Variants in BIRC6 observed in about 807,000 individuals in gnomAD.
The protein encoded by BIRC6 is dual E2 ubiquitin-conjugating enzyme/E3 ubiquitin-protein ligase BIRC6.
In BIRC6, 98 loss-of-function variants were observed where a neutral mutation model predicts 503.3. That is an observed-to-expected ratio of 0.19 (90% CI 0.17 to 0.23). The LOEUF is 0.23. BIRC6 is among the 10% of genes least tolerant of loss of function. The pLI is 1.00. For missense variants in BIRC6, 5,360 were observed against 5,806.0 expected (o/e 0.92, Z 2.50); for synonymous variants, 2,240 against 2,078.7 (o/e 1.08, Z -2.11).
chr2:32,433,448 C>A (rs1192210459), intron 12 of BIRC6, among the ~76,000 whole-genome samples, 196 bp from the exon 13 acceptor site: 3 of 151,990 alleles, frequency 2.0e-5, no homozygotes, highest in African/African-American at 7.3e-5. Context: ...GTGTAGATTT[C>A]TAAAGTAAGA....
chr2:32,595,198 A>G (rs1377555460), intron 68 of BIRC6, 54 bp downstream of exon 68: 2 of 1,115,426 alleles, frequency 1.8e-6, no homozygotes, highest in Non-Finnish European at 2.6e-6. Context: ...TTTTTTTAAC[A>G]GTGCTATTGA....
At position 32,525,106 on chromosome 2, in the gene BIRC6, A is replaced by G. The variant is rs57496465; in HGVS notation, c.11755+87A>G. ...TAGTTACAGGAAATTTATGTAATAC[A>G]TTGTACTAATATAAAAAGCTGACTC... On this transcript the variant is annotated intron_variant, in intron 58 of 73. Transcript: ENST00000421745. 2,253 of 1,144,670 alleles carry G rather than the reference A, an allele frequency of 2.0e-3. 42 individuals are homozygous for G. In the African/African-American group the frequency reaches 0.032, roughly 16 times the overall value. 70.9% of individuals were successfully genotyped at this position (1,144,670 alleles called of 1,614,324 possible).
At chr2:32,553,368 C>T (rs766802672) in intron 65 of BIRC6, among the ~76,000 whole-genome samples, 1 of 151,630 alleles carries the variant, frequency 6.6e-6, no homozygotes, top group Admixed American at 6.6e-5. Context: ...AATTTAGATA[C>T]GTAAATGAAT....
chr2:32,413,176 ATTT>A (rs766213127), intron 9 of BIRC6, among the ~76,000 whole-genome samples: 6 of 122,040 alleles, frequency 4.9e-5, no homozygotes, highest in Admixed American at 8.6e-5. Context: ...TGCCCGGCTA[ATTT>A]TTTTTTTTTT....
At chr2:32,408,494 G>A (rs926335928) in intron 9 of BIRC6, among the ~76,000 whole-genome samples, 1 of 152,112 alleles carries the variant, frequency 6.6e-6, no homozygotes, top group Non-Finnish European at 1.5e-5. Context: ...TTTGTAAAGT[G>A]TTTGCTATGT....
intron 16 of BIRC6, among the ~76,000 whole-genome samples, chr2:32,441,064 TAGACCC>T (rs2045378930): frequency 6.6e-6 from 1 of 152,102 alleles, no homozygotes; most frequent in African/African-American, 2.4e-5. Context: ...CCAGCGGAAT[TAGACCC>T]AGGACTTTGG....
rs2042309370 is a variant in BIRC6 at position 32,415,663 on chromosome 2, T to C, written c.2372T>C (p.Val791Ala). The stretch of plus-strand genomic sequence containing the variant: ...GAGCTGGAATCAAATCTTGCTGTAG[T>C]GAATGGTGCAAATATTAGTGTAATC... Reference protein sequence around the residue: ...KGELESNLAVVNGANISVIQH... With the variant: ...KGELESNLAVANGANISVIQH... The change falls in exon 10 of 74, where the codon GTG (valine) becomes GCG (alanine). Residue 791 changes from valine (V) to alanine (A), a missense_variant. Val to Ala is a moderately conservative substitution (Grantham distance 64). Coordinates refer to ENST00000421745, the MANE Select transcript of BIRC6 (RefSeq NM_016252.4). 2 of 1,613,940 alleles carry C rather than the reference T, an allele frequency of 1.2e-6. No individual in the cohort carries two copies. The highest frequency in any genetic ancestry group is 1.3e-5 in the African/African-American group (1 of 75,054).
At chr2:32,581,870 T>G (rs1051629587) in intron 66 of BIRC6, among the ~76,000 whole-genome samples, 1 of 152,130 alleles carries the variant, frequency 6.6e-6, no homozygotes, top group Non-Finnish European at 1.5e-5. Context: ...TTTTATGTAT[T>G]TATTTATTTT....
At chr2:32,512,809 T>C (rs1475464458) in intron 53 of BIRC6, 124 bp from the exon 54 acceptor site, 1 of 708,312 alleles carries the variant, frequency 1.4e-6, no homozygotes, top group East Asian at 2.8e-5. Flanking sequence ...ATTAAAATAA[T>C]CAAAAACAAT....
At chr2:32,483,966 G>A (rs80189930) in intron 39 of BIRC6, among the ~76,000 whole-genome samples, 1 of 152,062 alleles carries the variant, frequency 6.6e-6, no homozygotes, top group Admixed American at 6.6e-5. Flanking sequence ...TTCTCATTGG[G>A]TTTTTTGGGG....
At chr2:32,407,307 G>A (rs2041331537) in intron 9 of BIRC6, among the ~76,000 whole-genome samples, 1 of 151,980 alleles carries the variant, frequency 6.6e-6, no homozygotes, top group Non-Finnish European at 1.5e-5. Flanking sequence ...AATTAGCCAG[G>A]CGTGGTGGCG....
At chr2:32,462,785 A>G (rs1301554804) in intron 23 of BIRC6, among the ~76,000 whole-genome samples, 6 of 152,040 alleles carry the variant, frequency 3.9e-5, no homozygotes, top group African/African-American at 1.4e-4. Flanking sequence ...GCGAGACCGC[A>G]TCTCTACTAA....
At chr2:32,549,262 A>C in intron 64 of BIRC6, 51 bp from the exon 65 acceptor site, 5 of 1,296,608 alleles carry the variant, frequency 3.9e-6, no homozygotes, top group Non-Finnish European at 4.1e-6. Context: ...TACAATAAAA[A>C]CTTTTGAAGT....
At chr2:32,551,269 T>C (rs926825406) in intron 65 of BIRC6, among the ~76,000 whole-genome samples, 2 of 151,944 alleles carry the variant, frequency 1.3e-5, no homozygotes, top group Non-Finnish European at 2.9e-5. Context: ...AGAATAGTAA[T>C]AATTTTTTAA....
At chr2:32,361,151 T>C (rs1573618366) in intron 1 of BIRC6, among the ~76,000 whole-genome samples, 1 of 152,110 alleles carries the variant, frequency 6.6e-6, no homozygotes, top group Admixed American at 6.6e-5. Flanking sequence ...GCCAGGCTGG[T>C]CTCGAACTCC....
intron 64 of BIRC6, 50 bp from the exon 65 acceptor site, chr2:32,549,263 C>G (rs1425266068): frequency 1.5e-6 from 2 of 1,312,340 alleles, no homozygotes; most frequent in Non-Finnish European, 2.0e-6. Flanking sequence ...ACAATAAAAA[C>G]TTTTGAAGTA....
intron 10 of BIRC6, among the ~76,000 whole-genome samples, chr2:32,423,052 C>T (rs1470183824): frequency 6.6e-6 from 1 of 152,160 alleles, no homozygotes; most frequent in Non-Finnish European, 1.5e-5. Context: ...ATTCTCCTGC[C>T]TCAGCCTCCC....
At chr2:32,528,964 AAAAG>A (rs1024523565) in intron 59 of BIRC6, 13 of 152,202 alleles carry the variant, frequency 8.5e-5, no homozygotes, top group African/African-American at 3.1e-4. Flanking sequence ...AAAAGAAAAA[AAAAG>A]AAATCTGAAA....
At chr2:32,544,122 G>T (rs1189247023) in intron 62 of BIRC6, among the ~76,000 whole-genome samples, 2 of 152,090 alleles carry the variant, frequency 1.3e-5, no homozygotes, top group Non-Finnish European at 2.9e-5. Context: ...TTGCACAAAA[G>T]GGAGCATTGT....
Sources: allele counts gnomAD v4.1 joint callset (sites outside exome capture counted in the v4.1 genomes callset), GRCh38; gene constraint gnomAD v4.1.1; transcripts MANE v1.5; gene names NCBI Gene and HGNC (gene_info 2026-07-23, HGNC 2026-07-21).